The following ABCC9 variants were observed in gnomAD, a reference collection of about 807,000 sequenced individuals.
ABCC9 encodes ATP-binding cassette sub-family C member 9.
In ABCC9, 95 loss-of-function variants were observed where a neutral mutation model predicts 188.3. That is an observed-to-expected ratio of 0.50 (90% CI 0.43 to 0.60). The LOEUF (loss-of-function observed/expected upper bound fraction) is 0.60. Ranked by LOEUF, ABCC9 falls within the 20% of genes least tolerant of loss-of-function variation. ABCC9 has a pLI of 0.00. For missense variants in ABCC9, 1,102 were observed against 1,876.3 expected, an observed-to-expected ratio of 0.59 and a Z score of 7.62; for synonymous variants, 659 against 652.7, an observed-to-expected ratio of 1.01 and a Z score of -0.15.
chr12:21,848,165 C>G lies in ABCC9; in HGVS notation c.2851G>C (p.Glu951Gln). The change falls in exon 25 of 40, where the codon GAG becomes CAG. Residue 951 changes from glutamate to glutamine, a missense_variant. By Grantham distance (29) the Glu-to-Gln change is conservative. Transcript: ENST00000261200. ...MYSREAKAQM[E>Q]DEDEEEEEEE... Reference sequence around the variant, plus strand: ...AAAGATCTACCTTCGTCTTCGTCCTCCATCTGGGCTTTGGCTTCTCTTGAA... The same window carrying G: ...AAAGATCTACCTTCGTCTTCGTCCTGCATCTGGGCTTTGGCTTCTCTTGAA... 1 of 1,613,564 alleles carries G rather than the reference C, an allele frequency of 6.2e-7. No homozygotes were observed. The highest frequency in any genetic ancestry group is 8.5e-7 in the Non-Finnish European group (1 of 1,179,586).
chr12:21,905,085 A>G (rs1384174811), intron 12 of ABCC9, among the ~76,000 whole-genome samples: 1 of 152,212 alleles, frequency 6.6e-6, no homozygotes, highest in Non-Finnish European at 1.5e-5. Flanking sequence ...ATACCATGGA[A>G]TACTATGCAG....
intron 3 of ABCC9, 36 bp downstream of exon 3, chr12:21,936,497 A>G (rs1166196128): frequency 6.4e-7 from 1 of 1,566,484 alleles, no homozygotes; most frequent in African/African-American, 1.4e-5. Flanking sequence ...ATATATAAAC[A>G]TCAAATGGTA....
intron 2 of ABCC9, among the ~76,000 whole-genome samples, chr12:21,940,184 A>C (rs556589111): frequency 6.6e-6 from 1 of 152,346 alleles, no homozygotes; most frequent in East Asian, 1.9e-4. Flanking sequence ...CTGATCGAAT[A>C]GCAATTGCAG....
At chr12:21,818,080 A>G (rs757395510) in intron 32 of ABCC9, 70 bp downstream of exon 32, 21 of 1,208,832 alleles carry the variant, frequency 1.7e-5, no homozygotes, top group South Asian at 4.8e-5. Flanking sequence ...TCAACATTCA[A>G]TTCCCATTTA....
intron 24 of ABCC9, among the ~76,000 whole-genome samples, chr12:21,848,583 T>C (rs1224907386): frequency 6.6e-6 from 1 of 152,200 alleles, no homozygotes; most frequent in Non-Finnish European, 1.5e-5. Flanking sequence ...CTTCAGACTA[T>C]CCTTGTAATT....
chr12:21,887,971 A>C, intron 14 of ABCC9, 37 bp from the exon 15 acceptor site: 1 of 1,477,002 alleles, frequency 6.8e-7, no homozygotes, highest in Non-Finnish European at 9.5e-7. Flanking sequence ...AGAGTTAACA[A>C]TAAAACCACC....
chr12:21,859,205 C>T (rs991165602), intron 22 of ABCC9, among the ~76,000 whole-genome samples: 7 of 152,276 alleles, frequency 4.6e-5, no homozygotes, highest in South Asian at 2.1e-4. Context: ...TGGGGTACTA[C>T]GCTTACTTAG....
In ABCC9 at chr12:21,893,251, T is replaced by C. The variant is rs1173579954; in HGVS notation, c.1802+781A>G. On this transcript the variant is annotated intron_variant, in intron 14 of 39. Transcript: ENST00000261200. The stretch of plus-strand genomic sequence containing the variant: ...TGAGATATTATAAAGAGACAAAATC[T>C]GCACTGGTTGGAAACACTATAGAAG... 2.0e-5 allele frequency among the ~76,000 whole-genome samples: 3 copies of C among 152,142 alleles called. No individual in the cohort carries two copies. The East Asian group carries it at 5.8e-4, about 29-fold the overall frequency.
At chr12:21,863,226 T>C (rs1299049447) in intron 19 of ABCC9, among the ~76,000 whole-genome samples, 172 bp from the exon 20 acceptor site, 2 of 117,546 alleles carry the variant, frequency 1.7e-5, no homozygotes, top group Non-Finnish European at 3.8e-5. Flanking sequence ...AAGAAATGAT[T>C]AAATATGCCA....
At chr12:21,819,652 C>G (rs1375982291) in intron 31 of ABCC9, among the ~76,000 whole-genome samples, 15 of 152,232 alleles carry the variant, frequency 9.9e-5, no homozygotes, top group African/African-American at 3.4e-4. Flanking sequence ...ATGTTAAATA[C>G]CAGTTAGATT....
At chr12:21,930,853 G>T (rs2138039732) in intron 4 of ABCC9, among the ~76,000 whole-genome samples, 1 of 152,148 alleles carries the variant, frequency 6.6e-6, no homozygotes, top group South Asian at 2.1e-4. Context: ...AAATTATATG[G>T]GATATATACT....
chr12:21,889,997 A>C (rs187057487), intron 14 of ABCC9, among the ~76,000 whole-genome samples: 1 of 152,122 alleles, frequency 6.6e-6, no homozygotes, highest in East Asian at 1.9e-4. Context: ...TAGACTGTGA[A>C]CTCGTTAGCA....
chr12:21,806,257 AAGTC>A (rs1334164682), intron 38 of ABCC9, among the ~76,000 whole-genome samples, 197 bp from the exon 39 acceptor site: 1 of 152,122 alleles, frequency 6.6e-6, no homozygotes, highest in Non-Finnish European at 1.5e-5. Flanking sequence ...ACACAAATGA[AAGTC>A]AGTCAGTGAT....
chr12:21,866,653 A>G (rs534145422), intron 18 of ABCC9, among the ~76,000 whole-genome samples: 3 of 152,220 alleles, frequency 2.0e-5, no homozygotes, highest in Non-Finnish European at 4.4e-5. Context: ...TAACAAATTA[A>G]TAAATGCAAG....
chr12:21,939,911 G>A (rs1303852331), intron 2 of ABCC9, among the ~76,000 whole-genome samples: 1 of 152,196 alleles, frequency 6.6e-6, no homozygotes, highest in Admixed American at 6.5e-5. Flanking sequence ...TCCTCGAAAT[G>A]CATTACATGA....
At chr12:21,896,641 C>A (rs1947445703) in intron 12 of ABCC9, among the ~76,000 whole-genome samples, 1 of 152,118 alleles carries the variant, frequency 6.6e-6, no homozygotes, top group Non-Finnish European at 1.5e-5. Flanking sequence ...TCAACTCCCC[C>A]TTATAGGTGA....
At chr12:21,842,021 G>T (rs861202) in intron 29 of ABCC9, among the ~76,000 whole-genome samples, 1 of 151,908 alleles carries the variant, frequency 6.6e-6, no homozygotes, top group Non-Finnish European at 1.5e-5. Context: ...GCTCAAGTCC[G>T]TTATATAAAA....
chr12:21,876,853 A>G (rs188928047), intron 16 of ABCC9, among the ~76,000 whole-genome samples: 46 of 152,372 alleles, frequency 3.0e-4, no homozygotes, highest in Admixed American at 1.7e-3. Context: ...TCTGAATTAT[A>G]ACTACATATA....
rs1945760463 is a variant in ABCC9, at chr12:21,866,018, TAGAGTTGATGTC to T, written c.2199-1553_2199-1542del. On this transcript the variant is annotated intron_variant, in intron 18 of 39. Coordinates refer to ENST00000261200, the MANE Select transcript of ABCC9 (RefSeq NM_020297.4). ...ACTTTTAGCAAATCAGAGTAAACAA[TAGAGTTGATGTC>T]AGAGGGAAAATTAAGAGTGTGCTAG... is the stretch of plus-strand genomic sequence containing the variant. Among the ~76,000 whole-genome samples, 3 of 146,180 alleles carry T rather than the reference TAGAGTTGATGTC, an allele frequency of 2.1e-5. No homozygotes were observed. The South Asian group carries it at 6.4e-4, about 31-fold the overall frequency.
Sources: gnomAD v4.1 joint callset for allele counts (sites outside exome capture counted in the v4.1 genomes callset) on GRCh38, gnomAD v4.1.1 for gene constraint, MANE v1.5 for transcripts, NCBI Gene and HGNC (gene_info 2026-07-23, HGNC 2026-07-21) for gene names.